The following CFAP91 variants were observed in gnomAD, a reference collection of about 807,000 sequenced individuals.
The protein encoded by CFAP91 is cilia and flagella associated protein 91.
In CFAP91, 85 loss-of-function variants were observed where a neutral mutation model predicts 95.9. That is an observed-to-expected ratio of 0.89 (90% confidence interval 0.74 to 1.06). The LOEUF (loss-of-function observed/expected upper bound fraction) is 1.06. Among genes scored for constraint, CFAP91 ranks in the 50% least tolerant of loss-of-function variants. The pLI is 0.00. For synonymous variants in CFAP91, 335 were observed against 327.5 expected (o/e 1.02, Z -0.25); for missense variants, 962 against 943.4 (o/e 1.02, Z -0.26).
At chr3:119,714,365 C>CAAA (rs1265042198) in intron 5 of CFAP91, among the ~76,000 whole-genome samples, 1 of 128,628 alleles carries the variant, frequency 7.8e-6, no homozygotes, top group Admixed American at 7.7e-5. Context: ...GACTCCGTCT[C>CAAA]AAAAAAAAAA....
intron 11 of CFAP91, among the ~76,000 whole-genome samples, chr3:119,738,545 T>C (rs960010510): frequency 6.6e-6 from 1 of 151,466 alleles, no homozygotes; most frequent in African/African-American, 2.4e-5. Context: ...GATGGGGTGT[T>C]GCCATGTTGG....
intron 7 of CFAP91, among the ~76,000 whole-genome samples, chr3:119,728,859 G>A (rs1320453905): frequency 6.6e-6 from 1 of 152,102 alleles, no homozygotes; most frequent in Non-Finnish European, 1.5e-5. Flanking sequence ...CTTCTTCCAC[G>A]AAGAGTTTTC....
In CFAP91 at chr3:119,703,172, C is replaced by T; in HGVS notation, c.74C>T (p.Ser25Leu). 6.2e-7 allele frequency: 1 copy of T among 1,607,872 alleles called. No individual in the cohort carries two copies. The highest frequency in any genetic ancestry group is 2.2e-5 in the East Asian group (1 of 44,708). The change falls in exon 1 of 18, where the codon TCG becomes TTG. Residue 25 changes from serine (S) to leucine (L), a missense_variant. Physicochemically the swap from Ser to Leu is moderately radical, Grantham distance 145. Transcript: ENST00000273390. ...TCTCAAACTCGGTACCGGGAGAGGTCGCGGGCTGGGAGCCACATCTCCTCC... is the reference window on the plus strand; with the variant it reads ...TCTCAAACTCGGTACCGGGAGAGGTTGCGGGCTGGGAGCCACATCTCCTCC... Reference protein sequence around the residue: ...QVSQTRYRERSRAGSHISSNR... With the variant: ...QVSQTRYRERLRAGSHISSNR...
rs185424176 is a variant in CFAP91, at chr3:119,765,039, C to T, written c.*2-13C>T. The stretch of plus-strand genomic sequence containing the variant: ...GACATAATCATAAACATTTGTTTTG[C>T]TCTTTTTTACAGATTGTGATTTTTT... On this transcript the variant is annotated splice_polypyrimidine_tract_variant and intron_variant, in intron 17 of 17. Transcript: ENST00000273390. 3.4e-4 allele frequency: 51 copies of T among 152,190 alleles called. No individual in the cohort carries two copies. Among genetic ancestry groups the T allele is most frequent in the African/African-American group, 1.1e-3 (47 of 41,520 alleles). The allele number at this position is 152,190 out of a possible 1,614,324, so 9.4% of individuals were successfully genotyped here.
intron 7 of CFAP91, among the ~76,000 whole-genome samples, chr3:119,729,066 A>G (rs137970943): frequency 4.2e-4 from 64 of 152,310 alleles, no homozygotes; most frequent in Middle Eastern, 3.4e-3. Context: ...AAGCAGGAGT[A>G]AAATGTATGT....
chr3:119,763,450 G>C (rs545193513), intron 17 of CFAP91, among the ~76,000 whole-genome samples: 1 of 152,122 alleles, frequency 6.6e-6, no homozygotes, highest in Non-Finnish European at 1.5e-5. Context: ...ATATGATCCA[G>C]CAATTCCACA....
chr3:119,751,241 C>G, intron 17 of CFAP91, 143 bp downstream of exon 17: 1 of 904,252 alleles, frequency 1.1e-6, no homozygotes, highest in Non-Finnish European at 1.6e-6. Flanking sequence ...GGCACATTTC[C>G]TCTAGTTTAT....
chr3:119,734,153 C>G (rs771589990), intron 10 of CFAP91, among the ~76,000 whole-genome samples: 2 of 152,120 alleles, frequency 1.3e-5, no homozygotes, highest in African/African-American at 4.8e-5. Flanking sequence ...GAGCATTTGC[C>G]TTTTTTATAA....
chr3:119,720,135 TC>T (rs1396839589), intron 6 of CFAP91, among the ~76,000 whole-genome samples: 4 of 149,176 alleles, frequency 2.7e-5, no homozygotes, highest in Non-Finnish European at 4.4e-5. Context: ...ACCCCTGTAA[TC>T]CCAGCATTTT....
At chr3:119,706,965 A>ATC in intron 2 of CFAP91, 80 bp downstream of exon 2, 1 of 1,059,944 alleles carries the variant, frequency 9.4e-7, no homozygotes, top group Non-Finnish European at 1.5e-6. Flanking sequence ...CAGATTGACT[A>ATC]ATCACCAAAT....
intron 1 of CFAP91, 29 bp from the exon 2 acceptor site, chr3:119,706,780 G>C: frequency 6.5e-7 from 1 of 1,545,392 alleles, no homozygotes; most frequent in Non-Finnish European, 8.9e-7. Flanking sequence ...TGTTCTATCT[G>C]TTATGCTACT....
chr3:119,724,294 A>G (rs2053738859), intron 6 of CFAP91, among the ~76,000 whole-genome samples: 2 of 152,214 alleles, frequency 1.3e-5, no homozygotes, highest in South Asian at 4.1e-4. Flanking sequence ...AAAACCACAA[A>G]TTCCTTTTTG....
intron 5 of CFAP91, chr3:119,713,114 TA>T (rs2053506345): frequency 6.7e-6 from 1 of 150,092 alleles, no homozygotes; most frequent in Non-Finnish European, 1.5e-5. Context: ...TTTATTTATT[TA>T]TTTATTTATT....
In CFAP91 at chr3:119,740,835, TTGTGTGTGTGTGTG is replaced by T. The variant is rs57901016; in HGVS notation, c.1680+167_1680+180del. 91 of 515,226 alleles carry T rather than the reference TTGTGTGTGTGTGTG, an allele frequency of 1.8e-4. No individual in the cohort carries two copies. The East Asian group carries it at 3.2e-3, about 18-fold the overall frequency. 31.9% of individuals were successfully genotyped at this position (515,226 alleles called of 1,614,324 possible). The stretch of plus-strand genomic sequence containing the variant: ...CACAATCCCATCACTCTGTCAGCAT[TTGTGTGTGTGTGTG>T]TGTGTGTGTGTGTGTGTGTGTGTGT... On this transcript the variant is annotated intron_variant, in intron 13 of 17. Coordinates refer to ENST00000273390, the MANE Select transcript of CFAP91 (RefSeq NM_033364.4).
intron 5 of CFAP91, among the ~76,000 whole-genome samples, chr3:119,712,239 T>C (rs1368370753): frequency 6.6e-6 from 1 of 152,172 alleles, no homozygotes; most frequent in African/African-American, 2.4e-5. Context: ...AAAAATAGGT[T>C]GGAGAAATTA....
At chr3:119,728,333 C>G (rs140212898) in intron 7 of CFAP91, among the ~76,000 whole-genome samples, 53 of 152,306 alleles carry the variant, frequency 3.5e-4, no homozygotes, top group Non-Finnish European at 5.9e-4. Context: ...GGCCCCATCC[C>G]AGGACCTACT....
chr3:119,763,037 T>G (rs994753941), intron 17 of CFAP91, among the ~76,000 whole-genome samples: 2 of 151,870 alleles, frequency 1.3e-5, no homozygotes, highest in Admixed American at 6.6e-5. Context: ...GACAACCTGC[T>G]AAGTGGGAGA....
chr3:119,706,899 A>T lies in CFAP91; in HGVS notation c.201+14A>T. 1 of 1,604,278 alleles carries T rather than the reference A, an allele frequency of 6.2e-7. No individual in the cohort carries two copies. The highest frequency in any genetic ancestry group is 1.7e-5 in the Admixed American group (1 of 59,632). Reference sequence around the variant, plus strand: ...CGCAGCAGACTGGTATGTCTAATTCATCAGCCAAGGCTACCTGATGAACCT... The same window carrying T: ...CGCAGCAGACTGGTATGTCTAATTCTTCAGCCAAGGCTACCTGATGAACCT... On this transcript the variant is annotated intron_variant, in intron 2 of 17. Transcript: ENST00000273390.
At chr3:119,711,669 G>A (rs1237046538) in intron 5 of CFAP91, among the ~76,000 whole-genome samples, 1 of 152,218 alleles carries the variant, frequency 6.6e-6, no homozygotes, top group Non-Finnish European at 1.5e-5. Flanking sequence ...ATTCCAGTAT[G>A]TTTGAGTTTC....
Sources: gnomAD v4.1 joint callset for allele counts (sites outside exome capture counted in the v4.1 genomes callset) on GRCh38, gnomAD v4.1.1 for gene constraint, MANE v1.5 for transcripts, NCBI Gene and HGNC (gene_info 2026-07-23, HGNC 2026-07-21) for gene names.